The following NRXN1 variants were observed in gnomAD, a reference collection of about 807,000 sequenced individuals.
NRXN1 encodes the protein neurexin 1, also known as neurexin-1.
A neutral mutation model predicts 150.9 loss-of-function variants in NRXN1; 39 were observed. That is an observed-to-expected ratio of 0.26 (90% CI 0.20 to 0.34). The LOEUF is 0.34. NRXN1 is among the 10% of genes least tolerant of loss of function. The pLI, the probability that NRXN1 is intolerant of heterozygous loss-of-function variation, is 1.00. For synonymous variants in NRXN1, 924 were observed against 757.0 expected, an observed-to-expected ratio of 1.22 and a Z score of -3.62; for missense variants, 1,815 against 1,949.9, an observed-to-expected ratio of 0.93 and a Z score of 1.30.
intron 17 of NRXN1, among the ~76,000 whole-genome samples, chr2:50,250,519 A>C (rs1361617568): frequency 1.3e-5 from 2 of 152,102 alleles, no homozygotes; most frequent in African/African-American, 2.4e-5. Flanking sequence ...TCTCCAGATA[A>C]ATACAGAGCA....
At chr2:50,476,542 A>T (rs2104745579) in intron 15 of NRXN1, among the ~76,000 whole-genome samples, 1 of 97,880 alleles carries the variant, frequency 1.0e-5, no homozygotes, top group South Asian at 3.9e-4. Context: ...TTAGCCCGTC[A>T]TTGATACTGG....
intron 17 of NRXN1, among the ~76,000 whole-genome samples, chr2:50,257,900 T>C (rs1220599728): frequency 6.6e-6 from 1 of 152,032 alleles, no homozygotes; most frequent in Non-Finnish European, 1.5e-5. Context: ...ACAATTTTTT[T>C]TTTGGTTTCC....
intron 8 of NRXN1, among the ~76,000 whole-genome samples, chr2:50,574,425 G>A (rs1420970238): frequency 6.6e-6 from 1 of 151,896 alleles, no homozygotes; most frequent in African/African-American, 2.4e-5. Context: ...CAGTTTGCAC[G>A]TTTGGAAACT....
At chr2:50,079,558 T>C (rs1331725019) in intron 19 of NRXN1, among the ~76,000 whole-genome samples, 1 of 152,106 alleles carries the variant, frequency 6.6e-6, no homozygotes, top group Non-Finnish European at 1.5e-5. Context: ...ATTTAATTGT[T>C]ATATCTGAGG....
At chr2:50,756,065 C>A (rs1342024063) in intron 5 of NRXN1, among the ~76,000 whole-genome samples, 2 of 151,748 alleles carry the variant, frequency 1.3e-5, no homozygotes, top group African/African-American at 4.8e-5. Flanking sequence ...CATAAAGAGA[C>A]TCTGAGCAGA....
chr2:50,714,101 T>C (rs572152698), intron 5 of NRXN1, among the ~76,000 whole-genome samples: 38 of 152,170 alleles, frequency 2.5e-4, no homozygotes, highest in Non-Finnish European at 4.7e-4. Context: ...GGTAGCAAGA[T>C]ACTTGATAAA....
chr2:50,998,406 C>T (rs1327456118), intron 2 of NRXN1, among the ~76,000 whole-genome samples: 2 of 152,032 alleles, frequency 1.3e-5, no homozygotes, highest in East Asian at 1.9e-4. Flanking sequence ...AAGTCTTTCA[C>T]ATTCAAACTG....
chr2:50,072,530 TA>T (rs11397509), intron 19 of NRXN1, among the ~76,000 whole-genome samples: 267 of 138,526 alleles, frequency 1.9e-3, no homozygotes, highest in African/African-American at 5.7e-3. Context: ...CTAAGAAATT[TA>T]AAAAAAAAAA....
intron 17 of NRXN1, among the ~76,000 whole-genome samples, chr2:50,270,673 G>GTT (rs34114256): frequency 6.1e-4 from 88 of 143,760 alleles, no homozygotes; most frequent in African/African-American, 1.4e-3. Flanking sequence ...TATAGATATA[G>GTT]TTTTTTTTTT....
chr2:50,469,868 G>C (rs551356560), intron 16 of NRXN1, among the ~76,000 whole-genome samples: 2 of 151,100 alleles, frequency 1.3e-5, no homozygotes, highest in East Asian at 3.9e-4. Flanking sequence ...TCAAATAATA[G>C]TTTAATGTGT....
At chr2:50,226,916 T>G (rs1017905321) in intron 18 of NRXN1, among the ~76,000 whole-genome samples, 2 of 152,028 alleles carry the variant, frequency 1.3e-5, no homozygotes, top group African/African-American at 2.4e-5. Flanking sequence ...ACTTCCAGAA[T>G]GCAAAGATTA....
chr2:49,932,444 C>CCTTTTCGCTTCTTATCTT (rs1397182042), intron 22 of NRXN1, among the ~76,000 whole-genome samples: 1 of 152,056 alleles, frequency 6.6e-6, no homozygotes, highest in East Asian at 1.9e-4. Flanking sequence ...TTCTTCTTAT[C>CCTTTTCGCTTCTTATCTT]CTTTCCTTTC....
chr2:50,585,963 A>G (rs1258547413), intron 8 of NRXN1, among the ~76,000 whole-genome samples: 1 of 152,188 alleles, frequency 6.6e-6, no homozygotes, highest in Non-Finnish European at 1.5e-5. Context: ...CAAAAAACCT[A>G]CTGAGCAGAG....
chr2:50,969,235 T>G (rs879056536), intron 2 of NRXN1, among the ~76,000 whole-genome samples: 1 of 152,150 alleles, frequency 6.6e-6, no homozygotes, highest in Admixed American at 6.6e-5. Context: ...AATTAATATA[T>G]TAATTCACTG....
At chr2:50,768,348 G>C (rs1236462397) in intron 5 of NRXN1, among the ~76,000 whole-genome samples, 5 of 152,064 alleles carry the variant, frequency 3.3e-5, no homozygotes, top group African/African-American at 1.2e-4. Flanking sequence ...TTGCTCTATT[G>C]TGCAGGCTGG....
At chr2:50,615,762 C>T (rs891980423) in intron 8 of NRXN1, 15 of 152,178 alleles carry the variant, frequency 9.9e-5, no homozygotes, top group African/African-American at 3.6e-4. Flanking sequence ...CTCATAGAGT[C>T]TGAGCATCTC....
intron 15 of NRXN1, among the ~76,000 whole-genome samples, chr2:50,492,215 A>G (rs2091292443): frequency 6.6e-6 from 1 of 152,180 alleles, no homozygotes; most frequent in Non-Finnish European, 1.5e-5. Context: ...CTTTCATTGC[A>G]TGTTGCTGCT....
At chr2:50,690,401 C>A (rs1372219759) in intron 5 of NRXN1, among the ~76,000 whole-genome samples, 1 of 152,148 alleles carries the variant, frequency 6.6e-6, no homozygotes, top group Non-Finnish European at 1.5e-5. Flanking sequence ...TTGTGATAGT[C>A]CTCTTTATGT....
At chr2:50,207,968 C>G (rs2152840729) in intron 18 of NRXN1, among the ~76,000 whole-genome samples, 1 of 152,180 alleles carries the variant, frequency 6.6e-6, no homozygotes, top group Non-Finnish European at 1.5e-5. Context: ...CTAGGCCCAG[C>G]CTCTTCTTAG....
Sources: allele counts gnomAD v4.1 joint callset (sites outside exome capture counted in the v4.1 genomes callset), GRCh38; gene constraint gnomAD v4.1.1; transcripts MANE v1.5; gene names NCBI Gene and HGNC (gene_info 2026-07-23, HGNC 2026-07-21).